The following USP43 variants were observed in gnomAD, a reference collection of about 807,000 sequenced individuals.
USP43 encodes the protein ubiquitin specific peptidase 43.
In USP43, 33 loss-of-function variants were observed where a neutral mutation model predicts 90.7. The observed-to-expected ratio is 0.36, with a 90% CI of 0.28 to 0.49. The LOEUF (loss-of-function observed/expected upper bound fraction) is 0.49. USP43 is among the 20% of genes least tolerant of loss of function. The pLI is 0.98. For missense variants in USP43, 1,274 were observed against 1,476.4 expected (o/e 0.86, Z 2.25); for synonymous variants, 598 against 615.8 (o/e 0.97, Z 0.43).
At position 9,703,177 on chromosome 17, in the gene USP43, A is replaced by AT. The variant is rs759991039; in HGVS notation, c.2011+1492dup. ...ATTGGGAGGCATCTTTGTTACTCAG[A>AT]TTTTTTTTTTTTTTTACTAAGAGCG... is the stretch of plus-strand genomic sequence containing the variant. On this transcript the variant is annotated intron_variant, in intron 12 of 14. Transcript: ENST00000285199. Among the ~76,000 whole-genome samples, 377 of 143,728 alleles carry AT rather than the reference A, an allele frequency of 2.6e-3. 2 individuals are homozygous for AT. Among genetic ancestry groups the AT allele is most frequent in the African/African-American group, 2.7e-3 (108 of 39,440 alleles). 94.3% of individuals were successfully genotyped at this position (143,728 alleles called of 152,430 possible).
At chr17:9,706,761 A>G (rs1162682484) in intron 12 of USP43, among the ~76,000 whole-genome samples, 1 of 145,054 alleles carries the variant, frequency 6.9e-6, no homozygotes, top group East Asian at 2.1e-4. Flanking sequence ...CTCCTGCCTC[A>G]GCCTCCTGAG....
Position 9,645,783 on chromosome 17 carries a change from G to A in USP43, c.151G>A (p.Gly51Arg), listed in dbSNP as rs1911342389. The change falls in exon 1 of 15, where the codon GGA becomes AGA. Residue 51 changes from glycine to arginine, a missense_variant. By Grantham distance (125) the Gly-to-Arg change is moderately radical. Transcript: ENST00000285199. This position sits in a 1 kb window ranked among gnomAD's most constrained non-coding sequence, Gnocchi z 6.8. ...GGACTCACCGCCCCGGCCCCAGCCG[G>A]GACACTGTGATGGCGACGGTGAGGG... is the stretch of plus-strand genomic sequence containing the variant. ...PGDSPPRPQP[G>R]HCDGDGEGGF... The A allele has an allele frequency of 7.2e-7, 1 of 1,393,746 alleles. No individual in the cohort carries two copies. The allele number at this position is 1,393,746 out of a possible 1,614,324, so 86.3% of individuals were successfully genotyped here. A position where few individuals can be genotyped will look rare whatever the true frequency, so the allele number is the denominator to read the frequency against.
At chr17:9,657,455 G>C (rs548715331) in intron 2 of USP43, among the ~76,000 whole-genome samples, 1 of 151,122 alleles carries the variant, frequency 6.6e-6, no homozygotes, top group South Asian at 2.1e-4. Flanking sequence ...AGCTGAGAAC[G>C]CACCGTTGCA....
intron 12 of USP43, among the ~76,000 whole-genome samples, chr17:9,702,630 G>GTGTTTTC (rs1285706826): frequency 6.6e-6 from 1 of 152,020 alleles, no homozygotes; most frequent in African/African-American, 2.4e-5. Flanking sequence ...TGTTTTCAGA[G>GTGTTTTC]AGTGTCATGA....
chr17:9,651,337 G>A (rs145488236), intron 1 of USP43, among the ~76,000 whole-genome samples: 2,472 of 151,940 alleles, frequency 0.016, 70 homozygotes, highest in African/African-American at 0.056. Flanking sequence ...GACTACAGGC[G>A]CGCGCCACCA....
rs1237116126 is a variant in USP43, at chr17:9,681,327, TATAA to T, written c.1105+969_1105+972del. 3.6e-5 allele frequency among the ~76,000 whole-genome samples: 4 copies of T among 110,332 alleles called. No homozygotes were observed. In the Admixed American group the frequency reaches 3.7e-4, roughly 10 times the overall value. 72.4% of individuals were successfully genotyped at this position (110,332 alleles called of 152,430 possible). A position where few individuals can be genotyped will look rare whatever the true frequency, so the allele number is the denominator to read the frequency against. On this transcript the variant is annotated intron_variant, in intron 6 of 14. Transcript: ENST00000285199. Reference sequence around the variant, plus strand: ...ATAGATAAATATATATAAATATATATATAAATAAATATATATATAAATAAAATAA... The same window carrying T: ...ATAGATAAATATATATAAATATATATATAAATATATATATAAATAAAATAA...
intron 9 of USP43, among the ~76,000 whole-genome samples, chr17:9,697,297 CTA>C (rs2151985875): frequency 6.6e-6 from 1 of 151,794 alleles, no homozygotes; most frequent in South Asian, 2.1e-4. Flanking sequence ...ATTTTTATTT[CTA>C]TAACTTTCTT....
In USP43 at chr17:9,728,459, G is replaced by T; in HGVS notation, c.2841G>T (p.Pro947=). The change falls in exon 15 of 15, where the codon CCG becomes CCT. Residue 947 remains proline, a synonymous_variant. Coordinates refer to ENST00000285199, the MANE Select transcript of USP43 (RefSeq NM_153210.5). This position sits in a 1 kb window ranked among gnomAD's most constrained non-coding sequence, Gnocchi z 6.2. ...TGGAGCATGAGAAACCAGCTCGACC[G>T]GAGGGCCAGAAGGCCATGAACTGGA... ...PSVEHEKPAR[P]EGQKAMNWKE... 6.2e-7 allele frequency: 1 copy of T among 1,613,182 alleles called. No individual in the cohort carries two copies. Among genetic ancestry groups the T allele is most frequent in the Non-Finnish European group, 8.5e-7 (1 of 1,179,552 alleles).
In USP43 at chr17:9,681,097, C is replaced by CATATACTATATAAT. The variant is rs60162853; in HGVS notation, c.1105+805_1105+818dup. Among the ~76,000 whole-genome samples, 258 of 71,190 alleles carry CATATACTATATAAT rather than the reference C, an allele frequency of 3.6e-3. 21 individuals are homozygous for CATATACTATATAAT. The highest frequency in any genetic ancestry group is 0.013 in the Middle Eastern group (2 of 150). 46.7% of individuals were successfully genotyped at this position (71,190 alleles called of 152,430 possible). A position where few individuals can be genotyped will look rare whatever the true frequency, so the allele number is the denominator to read the frequency against. On this transcript the variant is annotated intron_variant, in intron 6 of 14. Transcript: ENST00000285199. ...ATATCATATATAATATAATATATGA[C>CATATACTATATAAT]ATATACTATATAATATATACTATAT... is the stretch of plus-strand genomic sequence containing the variant.
At chr17:9,691,466 A>G (rs1386016181) in intron 8 of USP43, among the ~76,000 whole-genome samples, 1 of 151,980 alleles carries the variant, frequency 6.6e-6, no homozygotes, top group Non-Finnish European at 1.5e-5. Context: ...TATATCCCAC[A>G]TTTTGTTTAT....
intron 9 of USP43, 115 bp from the exon 10 acceptor site, chr17:9,700,057 G>A: frequency 3.0e-6 from 3 of 996,844 alleles, no homozygotes; most frequent in Non-Finnish European, 4.4e-6. Context: ...TGGCAGTTTT[G>A]GGTATTTCTG....
At chr17:9,663,104 C>T (rs556143790) in intron 2 of USP43, among the ~76,000 whole-genome samples, 1 of 151,162 alleles carries the variant, frequency 6.6e-6, no homozygotes, top group African/African-American at 2.4e-5. Flanking sequence ...AGGCTTGAGC[C>T]ACTGTATTCA....
At position 9,728,322 on chromosome 17, in the gene USP43, G is replaced by A. The variant is rs1917386425; in HGVS notation, c.2704G>A (p.Ala902Thr). ...CTCGGCTCAACCCAACCACTGTCTG[G>A]CCCCTGGAAACTCAGATGGTCCAAA... ...CPSAQPNHCL[A>T]PGNSDGPNTA... The change falls in exon 15 of 15, where the codon GCC (alanine) becomes ACC (threonine). Residue 902 changes from alanine (A) to threonine (T), a missense_variant. Coordinates refer to ENST00000285199, the MANE Select transcript of USP43 (RefSeq NM_153210.5). The surrounding 1 kb of genome is among the most constrained non-coding windows in gnomAD (Gnocchi z 6.2). 21 of 1,612,350 alleles carry A rather than the reference G, an allele frequency of 1.3e-5. No individual in the cohort carries two copies. Among genetic ancestry groups the A allele is most frequent in the Non-Finnish European group, 1.8e-5 (21 of 1,179,326 alleles).
intron 2 of USP43, among the ~76,000 whole-genome samples, chr17:9,661,333 A>G (rs949071388): frequency 6.6e-6 from 1 of 152,102 alleles, no homozygotes; most frequent in Non-Finnish European, 1.5e-5. Flanking sequence ...AATACATGTC[A>G]TCTCTTGGGA....
At chr17:9,704,917 G>A (rs558055438) in intron 12 of USP43, among the ~76,000 whole-genome samples, 1 of 152,058 alleles carries the variant, frequency 6.6e-6, no homozygotes, top group Admixed American at 6.6e-5. Context: ...TTGCTTCTTG[G>A]AAGTGTGATA....
chr17:9,680,001 T>C lies in USP43; in HGVS notation c.970-230T>C, dbSNP rs1949343720. On this transcript the variant is annotated intron_variant, in intron 5 of 14. Coordinates refer to ENST00000285199, the MANE Select transcript of USP43 (RefSeq NM_153210.5). ...ATTTTTCTATGCTTGTTTAGCTGGG[T>C]ATAAAACTTAGATTTTTTTTTTTTT... is the stretch of plus-strand genomic sequence containing the variant. Among the ~76,000 whole-genome samples, 3 of 150,754 alleles carry C rather than the reference T, an allele frequency of 2.0e-5. No homozygotes were observed. The Admixed American group carries it at 2.0e-4, about 10-fold the overall frequency.
chr17:9,665,972 G>T (rs183074536), intron 2 of USP43, among the ~76,000 whole-genome samples: 49 of 152,248 alleles, frequency 3.2e-4, no homozygotes, highest in African/African-American at 1.1e-3. Context: ...TTTCAGTGCC[G>T]TGATACTGAT....
In USP43 at chr17:9,701,767, G is replaced by A. The variant is rs1915590164; in HGVS notation, c.2011+67G>A. 2.2e-6 allele frequency: 3 copies of A among 1,374,196 alleles called. No individual in the cohort carries two copies. In the South Asian group the frequency reaches 4.5e-5, roughly 21 times the overall value. 85.1% of individuals were successfully genotyped at this position (1,374,196 alleles called of 1,614,324 possible). ...CAGCCTCGAGATGTCCCTGGAATGG[G>A]TGTTGCTCAGATGCTGAGCTCCCTG... On this transcript the variant is annotated intron_variant, in intron 12 of 14. Coordinates refer to ENST00000285199, the MANE Select transcript of USP43 (RefSeq NM_153210.5). The surrounding 1 kb of genome is among the most constrained non-coding windows in gnomAD (Gnocchi z 7.2).
Position 9,729,041 on chromosome 17 carries a change from C to T in USP43, c.*51C>T. On this transcript the variant is annotated 3_prime_UTR_variant, in exon 15 of 15. Transcript: ENST00000285199. The stretch of plus-strand genomic sequence containing the variant: ...CTGGCATTCTTGGGACTTTGCCAAG[C>T]AACTGTAGGCAGCTCATGTTGAGAA... 2 of 1,452,742 alleles carry T rather than the reference C, an allele frequency of 1.4e-6. No homozygotes were observed. The highest frequency in any genetic ancestry group is 2.5e-5 in the East Asian group (1 of 40,762). 90.0% of individuals were successfully genotyped at this position (1,452,742 alleles called of 1,614,324 possible).
Sources: allele counts gnomAD v4.1 joint callset (sites outside exome capture counted in the v4.1 genomes callset), GRCh38; gene constraint gnomAD v4.1.1; non-coding constraint Gnocchi (gnomAD v3.1); transcripts MANE v1.5; gene names NCBI Gene and HGNC (gene_info 2026-07-23, HGNC 2026-07-21).